The following ADAMTSL1 variants were observed in gnomAD, a reference collection of about 807,000 sequenced individuals.
ADAMTSL1 encodes ADAMTS-like protein 1.
Under a neutral mutation model 201.8 loss-of-function variants are expected in ADAMTSL1, and 126 were observed. The observed-to-expected ratio is 0.62, with a 90% CI of 0.54 to 0.72. The LOEUF is 0.72. Ranked by LOEUF, ADAMTSL1 falls within the 30% of genes least tolerant of loss-of-function variation. The probability of loss-of-function intolerance (pLI) is 0.00; values close to 1 mark genes in which losing one functional copy is unlikely to be tolerated. For missense variants in ADAMTSL1, 2,679 were observed against 2,277.8 expected (o/e 1.18, Z -3.59); for synonymous variants, 1,121 against 903.4 (o/e 1.24, Z -4.32).
intron 2 of ADAMTSL1, among the ~76,000 whole-genome samples, chr9:18,304,630 G>A (rs913954242): frequency 1.3e-5 from 2 of 149,454 alleles, no homozygotes; most frequent in African/African-American, 2.5e-5. Flanking sequence ...GACAAGTTTG[G>A]TAGCACAAGG....
chr9:18,704,182 T>C (rs917578949), intron 13 of ADAMTSL1, among the ~76,000 whole-genome samples: 7 of 152,192 alleles, frequency 4.6e-5, no homozygotes, highest in Non-Finnish European at 7.4e-5. Flanking sequence ...ACTAAAGTTT[T>C]ATTGGAACAC....
chr9:18,815,358 G>A (rs944074064), intron 20 of ADAMTSL1, among the ~76,000 whole-genome samples: 3 of 151,384 alleles, frequency 2.0e-5, no homozygotes, highest in Non-Finnish European at 4.4e-5. Context: ...TATATGTACA[G>A]TGGAATACTT....
chr9:18,305,182 T>C (rs890474465), intron 2 of ADAMTSL1, among the ~76,000 whole-genome samples: 7 of 152,204 alleles, frequency 4.6e-5, no homozygotes, highest in Admixed American at 2.6e-4. Flanking sequence ...GCCCAGATAC[T>C]ATGCTTTTCC....
At position 18,489,972 on chromosome 9, in the gene ADAMTSL1, C is replaced by T. The variant is rs563213384; in HGVS notation, c.64-14857C>T. 7.2e-5 allele frequency among the ~76,000 whole-genome samples: 11 copies of T among 152,286 alleles called. No homozygotes were observed. In the South Asian group the frequency reaches 1.7e-3, roughly 23 times the overall value. ...TAGTATTATGAGGATCAAATAAGTA[C>T]GTGTAAGTACTTTGAAAACTGTAAA... is the stretch of plus-strand genomic sequence containing the variant. On this transcript the variant is annotated intron_variant, in intron 1 of 28. Coordinates refer to ENST00000380548, the MANE Select transcript of ADAMTSL1 (RefSeq NM_001040272.6).
At chr9:18,168,236 G>T (rs1212596674) in intron 2 of ADAMTSL1, among the ~76,000 whole-genome samples, 1 of 151,864 alleles carries the variant, frequency 6.6e-6, no homozygotes, top group African/African-American at 2.4e-5. Flanking sequence ...TTAGCATTAG[G>T]TATATCTCCT....
chr9:18,185,271 G>C (rs1308966738), intron 2 of ADAMTSL1, among the ~76,000 whole-genome samples: 2 of 152,122 alleles, frequency 1.3e-5, no homozygotes, highest in Admixed American at 6.5e-5. Flanking sequence ...ATTTGCTTGA[G>C]AGTCTTGCTC....
chr9:18,646,424 A>G (rs1827815898), intron 7 of ADAMTSL1, among the ~76,000 whole-genome samples: 3 of 151,862 alleles, frequency 2.0e-5, no homozygotes, highest in Non-Finnish European at 1.5e-5. Context: ...TTCCAGCACT[A>G]TGTTGAATAG....
chr9:18,143,209 ACT>A (rs1384869323), intron 1 of ADAMTSL1, among the ~76,000 whole-genome samples: 2 of 152,080 alleles, frequency 1.3e-5, no homozygotes, highest in African/African-American at 2.4e-5. Flanking sequence ...TCATTTTAAG[ACT>A]CTGGATTGGC....
chr9:18,451,957 C>T (rs558336168), intron 2 of ADAMTSL1, among the ~76,000 whole-genome samples: 1 of 152,338 alleles, frequency 6.6e-6, no homozygotes, highest in East Asian at 1.9e-4. Context: ...GTTTCCCAGG[C>T]TGGTGTGCAA....
intron 5 of ADAMTSL1, among the ~76,000 whole-genome samples, chr9:18,628,612 A>G (rs926887789): frequency 6.6e-6 from 1 of 152,112 alleles, no homozygotes; most frequent in Non-Finnish European, 1.5e-5. Context: ...ATATCTACAA[A>G]AAGTCTTGCT....
intron 2 of ADAMTSL1, among the ~76,000 whole-genome samples, chr9:18,378,816 G>GTTGTTTGT (rs138419004): frequency 4.0e-5 from 6 of 151,800 alleles, no homozygotes; most frequent in African/African-American, 1.2e-4. Flanking sequence ...GTTTTTTGTT[G>GTTGTTTGT]TTGTTTGTTT....
intron 4 of ADAMTSL1, among the ~76,000 whole-genome samples, chr9:18,578,182 G>T (rs979213701): frequency 1.3e-5 from 2 of 152,030 alleles, no homozygotes; most frequent in African/African-American, 4.8e-5. Context: ...TTCTAATTAT[G>T]CTCCTTACAT....
chr9:18,297,184 C>A (rs1438223494), intron 2 of ADAMTSL1, among the ~76,000 whole-genome samples: 1 of 152,128 alleles, frequency 6.6e-6, no homozygotes, highest in African/African-American at 2.4e-5. Flanking sequence ...CCATTTGGTG[C>A]AGTCTGTGTA....
intron 2 of ADAMTSL1, among the ~76,000 whole-genome samples, chr9:18,295,442 A>C (rs1466382502): frequency 6.6e-6 from 1 of 151,834 alleles, no homozygotes; most frequent in Non-Finnish European, 1.5e-5. Context: ...GGGTTCAAGC[A>C]ATCCTTCTGC....
intron 2 of ADAMTSL1, among the ~76,000 whole-genome samples, chr9:18,339,842 C>T (rs1289687124): frequency 6.6e-6 from 1 of 152,032 alleles, no homozygotes; most frequent in Non-Finnish European, 1.5e-5. Context: ...AAAGAAAAAC[C>T]ATTCTCCATC....
chr9:18,559,488 G>A (rs1043305462), intron 3 of ADAMTSL1, among the ~76,000 whole-genome samples: 23 of 152,020 alleles, frequency 1.5e-4, no homozygotes, highest in African/African-American at 5.6e-4. Context: ...TTGGCTATAT[G>A]AGCTCTTTTT....
intron 1 of ADAMTSL1, among the ~76,000 whole-genome samples, chr9:18,490,050 C>G (rs1010460543): frequency 2.6e-5 from 4 of 152,196 alleles, no homozygotes; most frequent in African/African-American, 7.2e-5. Flanking sequence ...TGTCTGGAGT[C>G]TACTCAAGGA....
intron 1 of ADAMTSL1, among the ~76,000 whole-genome samples, chr9:17,937,634 G>A (rs77973042): frequency 0.93 from 140,886 of 150,776 alleles, 65,943 homozygotes; most frequent in Non-Finnish European, 0.97. Flanking sequence ...AAATCTTGTT[G>A]ATTTAAATTC....
intron 4 of ADAMTSL1, among the ~76,000 whole-genome samples, chr9:18,605,109 ACC>A (rs908485528): frequency 6.6e-6 from 1 of 152,184 alleles, no homozygotes; most frequent in Non-Finnish European, 1.5e-5. Flanking sequence ...ATTCTTCCCT[ACC>A]TTTTTTCCCT....
Sources: allele counts gnomAD v4.1 joint callset (sites outside exome capture counted in the v4.1 genomes callset), GRCh38; gene constraint gnomAD v4.1.1; transcripts MANE v1.5; gene names NCBI Gene and HGNC (gene_info 2026-07-23, HGNC 2026-07-21).